C7orf57: variants seen among roughly 807,000 people sequenced by gnomAD.
C7orf57 encodes the protein chromosome 7 open reading frame 57, also known as uncharacterized protein C7orf57.
A neutral mutation model predicts 39.0 loss-of-function variants in C7orf57; 33 were observed. That is an observed-to-expected ratio of 0.85 (90% CI 0.64 to 1.13). C7orf57 has a LOEUF of 1.13. Among genes scored for constraint, C7orf57 ranks in the 50% most tolerant of loss-of-function variants. The probability of loss-of-function intolerance (pLI) is 0.00; values close to 1 mark genes in which losing one functional copy is unlikely to be tolerated. For synonymous variants in C7orf57, 124 were observed against 137.1 expected, an observed-to-expected ratio of 0.90 and a Z score of 0.67; for missense variants, 346 against 362.3, an observed-to-expected ratio of 0.95 and a Z score of 0.37.
chr7:48,038,612 A>G (rs1040934317), intron 2 of C7orf57, among the ~76,000 whole-genome samples: 6 of 152,196 alleles, frequency 3.9e-5, no homozygotes, highest in African/African-American at 1.4e-4. Context: ...TAAGACTTTC[A>G]ATTAACTGCC....
Position 48,041,506 on chromosome 7 carries a change from A to G in C7orf57, c.228A>G (p.Gln76=). 3 of 1,606,142 alleles carry G rather than the reference A, an allele frequency of 1.9e-6. No individual in the cohort carries two copies. Among genetic ancestry groups the G allele is most frequent in the Non-Finnish European group, 1.7e-6 (2 of 1,174,482 alleles). Residue 76 remains glutamine (Q), a synonymous_variant, in exon 3 of 9, where the codon CAA becomes CAG. Transcript: ENST00000348904. ...CGGAATATGTGAAGCTCGCGAAACA[A>G]GGTGGCAGGCCCGGTGAGCCCCCTC... The part of the protein sequence containing the change: ...TDSEYVKLAK[Q]GGRPDLLKHF...
Position 48,041,529 on chromosome 7 carries a change from C to T in C7orf57, c.241+10C>T, listed in dbSNP as rs769639402. ...CAAGGTGGCAGGCCCGGTGAGCCCC[C>T]TCCTGCCCTGTTCAGTGTGGCAGCC... On this transcript the variant is annotated intron_variant, in intron 3 of 8. Coordinates refer to ENST00000348904, the MANE Select transcript of C7orf57 (RefSeq NM_001100159.3). The T allele has an allele frequency of 3.1e-6, 5 of 1,588,686 alleles. No homozygotes were observed. The South Asian group carries it at 4.6e-5, about 15-fold the overall frequency.
At chr7:48,037,110 C>T (rs1472639285) in intron 2 of C7orf57, among the ~76,000 whole-genome samples, 1 of 152,122 alleles carries the variant, frequency 6.6e-6, no homozygotes, top group Non-Finnish European at 1.5e-5. Context: ...AAACATGCTG[C>T]TAGCCCAGAG....
intron 6 of C7orf57, 99 bp downstream of exon 6, chr7:48,050,076 A>G: frequency 1.3e-6 from 1 of 790,166 alleles, no homozygotes; most frequent in Non-Finnish European, 2.2e-6. Context: ...GCATCCACAC[A>G]ACTTCCCGAA....
intron 7 of C7orf57, among the ~76,000 whole-genome samples, chr7:48,053,708 T>G (rs1323083430): frequency 1.3e-5 from 2 of 152,194 alleles, no homozygotes; most frequent in African/African-American, 4.8e-5. Flanking sequence ...GCCTCTGCCT[T>G]GCAAAGTACT....
In C7orf57 at chr7:48,049,988, G is replaced by C. The variant is rs1423727423; in HGVS notation, c.605+11G>C. 2 of 1,563,058 alleles carry C rather than the reference G, an allele frequency of 1.3e-6. No individual in the cohort carries two copies. The highest frequency in any genetic ancestry group is 1.7e-5 in the Admixed American group (1 of 59,794). The stretch of plus-strand genomic sequence containing the variant: ...CTCCTTCCCCCCCGTGTAAGTGCTT[G>C]AGCTACGCCCTCACTGTCTGGACTG... On this transcript the variant is annotated intron_variant, in intron 6 of 8. Transcript: ENST00000348904.
Position 48,049,937 on chromosome 7 carries a change from C to A in C7orf57, c.565C>A (p.Pro189Thr). The A allele has an allele frequency of 1.2e-6, 2 of 1,613,576 alleles. No individual in the cohort carries two copies. Among genetic ancestry groups the A allele is most frequent in the Non-Finnish European group, 1.7e-6 (2 of 1,179,602 alleles). Residue 189 changes from proline (P) to threonine (T), a missense_variant, in exon 6 of 9, where the codon CCT (proline) becomes ACT (threonine). Pro to Thr is a conservative substitution (Grantham distance 38). Coordinates refer to ENST00000348904, the MANE Select transcript of C7orf57 (RefSeq NM_001100159.3). ...GAGCAAAGCAGGCACCCCACTTGGC[C>A]CTAAGAATCCTGCAGGAAGTAGACT... ...YLSKAGTPLG[P>T]KNPAGSRLSF...
At chr7:48,055,710 A>T (rs1791097627) in intron 8 of C7orf57, among the ~76,000 whole-genome samples, 1 of 152,174 alleles carries the variant, frequency 6.6e-6, no homozygotes, top group African/African-American at 2.4e-5. Flanking sequence ...GGCTGCAATT[A>T]TACAGTATCT....
chr7:48,041,510 G>A lies in C7orf57; in HGVS notation c.232G>A (p.Gly78Ser). ...SEYVKLAKQG[G>S]RPDLLKHFAP... ...ATATGTGAAGCTCGCGAAACAAGGT[G>A]GCAGGCCCGGTGAGCCCCCTCCTGC... Residue 78 changes from glycine to serine, a missense_variant, in exon 3 of 9, where the codon GGC (glycine) becomes AGC (serine). Coordinates refer to ENST00000348904, the MANE Select transcript of C7orf57 (RefSeq NM_001100159.3). The A allele has an allele frequency of 6.2e-7, 1 of 1,604,476 alleles. No homozygotes were observed. Among genetic ancestry groups the A allele is most frequent in the African/African-American group, 1.3e-5 (1 of 74,934 alleles).
chr7:48,043,381 C>T (rs977584698), intron 3 of C7orf57, 100 bp from the exon 4 acceptor site: 6 of 835,492 alleles, frequency 7.2e-6, no homozygotes, highest in Non-Finnish European at 1.2e-5. Context: ...TACAGGGAGA[C>T]CTACAGTTCG....
intron 8 of C7orf57, among the ~76,000 whole-genome samples, chr7:48,059,803 A>T (rs116891891): frequency 0.014 from 2,139 of 152,336 alleles, 16 homozygotes; most frequent in South Asian, 0.058. Context: ...GAGAGGGTCA[A>T]CATTAATGAA....
chr7:48,057,608 T>C (rs762219318), intron 8 of C7orf57, among the ~76,000 whole-genome samples: 1 of 152,156 alleles, frequency 6.6e-6, no homozygotes, highest in Non-Finnish European at 1.5e-5. Context: ...TGATTTCTAT[T>C]TATTTTTCAT....
chr7:48,050,055 C>A, intron 6 of C7orf57, 78 bp downstream of exon 6: 3 of 942,526 alleles, frequency 3.2e-6, no homozygotes, highest in Non-Finnish European at 3.4e-6. Flanking sequence ...GTGATGACTG[C>A]GCTAGTGACA....
intron 8 of C7orf57, among the ~76,000 whole-genome samples, chr7:48,054,864 GATGATTATT>G (rs1412720418): frequency 1.2e-3 from 180 of 151,776 alleles, no homozygotes; most frequent in African/African-American, 3.8e-3. Context: ...TGATGATGAT[GATGATTATT>G]ATTATTATTA....
At chr7:48,040,059 GTCA>G (rs1790502671) in intron 2 of C7orf57, among the ~76,000 whole-genome samples, 1 of 152,114 alleles carries the variant, frequency 6.6e-6, no homozygotes, top group Admixed American at 6.5e-5. Flanking sequence ...CTCTGTGGGG[GTCA>G]TCAATAAACA....
At chr7:48,043,723 A>G in intron 4 of C7orf57, 134 bp downstream of exon 4, 1 of 747,258 alleles carries the variant, frequency 1.3e-6, no homozygotes. Flanking sequence ...CTCTTTTACA[A>G]TAGCCTGCTC....
intron 5 of C7orf57, among the ~76,000 whole-genome samples, chr7:48,049,082 A>G (rs1367200339): frequency 6.6e-6 from 1 of 152,020 alleles, no homozygotes; most frequent in African/African-American, 2.4e-5. Context: ...TCCCAGAGAG[A>G]TTCCAACCCA....
chr7:48,053,049 C>G (rs1791007593), intron 7 of C7orf57, 126 bp downstream of exon 7: 1 of 761,116 alleles, frequency 1.3e-6, no homozygotes, highest in Non-Finnish European at 2.3e-6. Context: ...TGTGAAAACG[C>G]CCACAGAAGT....
At position 48,041,401 on chromosome 7, in the gene C7orf57, C is replaced by T; in HGVS notation, c.123C>T (p.Ile41=). ...KAVDAPPASQ[I]PGLSNLGDSH... ...TGGATGCCCCACCAGCGTCCCAGAT[C>T]CCAGGTCTCAGCAATTTGGGAGACT... Residue 41 remains isoleucine (I), a synonymous_variant, in exon 3 of 9, where the codon ATC becomes ATT. Coordinates refer to ENST00000348904, the MANE Select transcript of C7orf57 (RefSeq NM_001100159.3). 6.2e-7 allele frequency: 1 copy of T among 1,613,988 alleles called. No homozygotes were observed. Among genetic ancestry groups the T allele is most frequent in the East Asian group, 2.2e-5 (1 of 44,884 alleles).
Sources: gnomAD v4.1 joint callset for allele counts (sites outside exome capture counted in the v4.1 genomes callset) on GRCh38, gnomAD v4.1.1 for gene constraint, MANE v1.5 for transcripts, NCBI Gene and HGNC (gene_info 2026-07-23, HGNC 2026-07-21) for gene names.